Variants in PDE1A observed in about 807,000 individuals in gnomAD.
The protein encoded by PDE1A is dual specificity calcium/calmodulin-dependent 3',5'-cyclic nucleotide phosphodiesterase 1A.
PDE1A carries 35 observed loss-of-function variants against 61.7 expected under a neutral mutation model. The observed-to-expected ratio is 0.57, with a 90% CI of 0.43 to 0.75. PDE1A has a LOEUF of 0.75. PDE1A is among the 30% of genes least tolerant of loss of function. The probability of loss-of-function intolerance (pLI) is 0.00; values close to 1 mark genes in which losing one functional copy is unlikely to be tolerated. For missense variants in PDE1A, 597 were observed against 630.6 expected (o/e 0.95, Z 0.57); for synonymous variants, 232 against 213.2 (o/e 1.09, Z -0.77).
intron 2 of PDE1A, among the ~76,000 whole-genome samples, chr2:182,513,928 C>T (rs1190934489): frequency 6.6e-6 from 1 of 152,174 alleles, no homozygotes; most frequent in Non-Finnish European, 1.5e-5. Flanking sequence ...AACACTGGAG[C>T]ATCCAGATTC....
chr2:182,449,189 C>T (rs1685347787), intron 2 of PDE1A, among the ~76,000 whole-genome samples: 2 of 151,628 alleles, frequency 1.3e-5, no homozygotes, highest in African/African-American at 4.8e-5. Context: ...GCTTATCTAA[C>T]TGTGGAAGTA....
chr2:182,522,317 T>C lies in PDE1A; in HGVS notation c.60A>G (p.Thr20=), dbSNP rs757161211. Reference sequence around the variant, plus strand: ...GCCACATTTTTTCAGTCTGTTCTCCTGTAAGATACTTAAAAGTGGTGTTTT... The same window carrying C: ...GCCACATTTTTTCAGTCTGTTCTCCCGTAAGATACTTAAAAGTGGTGTTTT... Residue 20 remains threonine, a synonymous_variant, in exon 2 of 15, where the codon ACA becomes ACG. Coordinates refer to the PDE1A transcript ENST00000410103. 9.9e-6 allele frequency: 16 copies of C among 1,613,598 alleles called. No homozygotes were observed. In the South Asian group the frequency reaches 1.5e-4, roughly 16 times the overall value.
At chr2:182,598,504 G>A in the PDE1A span, among the ~76,000 whole-genome samples, 12 of 151,792 alleles carry the variant, frequency 7.9e-5, no homozygotes, top group African/African-American at 1.7e-4. Flanking sequence ...TCTGGGAGGC[G>A]GAGGTTGCAG....
chr2:182,217,579 A>G (rs1439484841), intron 7 of PDE1A, among the ~76,000 whole-genome samples: 1 of 147,288 alleles, frequency 6.8e-6, no homozygotes, highest in African/African-American at 2.5e-5. Flanking sequence ...CAAGAAAAAA[A>G]CAAACAACCC....
chr2:182,685,504 G>C, the PDE1A span, among the ~76,000 whole-genome samples: 14 of 152,292 alleles, frequency 9.2e-5, 1 homozygote, highest in South Asian at 2.9e-3. Flanking sequence ...ATGGCATTTT[G>C]ATAGATGAGT....
At chr2:182,712,899 G>A in the PDE1A span, among the ~76,000 whole-genome samples, 21 of 152,010 alleles carry the variant, frequency 1.4e-4, no homozygotes, top group Admixed American at 3.3e-4. Context: ...ATGACATTCC[G>A]TTGTTTAAAC....
rs374437597 is a variant in PDE1A at position 182,287,013 on chromosome 2, A to ACC, written c.54-22601_54-22600dup. ...GTCTTTCAGTAGGGCATTGACTAAAACCCAAACTCCTTACCTTGACTTCAT... is the reference window on the plus strand; with the variant it reads ...GTCTTTCAGTAGGGCATTGACTAAAACCCCCAAACTCCTTACCTTGACTTCAT... On this transcript the variant is annotated intron_variant, in intron 1 of 13. Transcript: ENST00000351439. 5.6e-3 allele frequency among the ~76,000 whole-genome samples: 846 copies of ACC among 152,116 alleles called. 6 individuals are homozygous for ACC. Among genetic ancestry groups the ACC allele is most frequent in the South Asian group, 0.048 (230 of 4,806 alleles).
chr2:182,642,639 A>G, the PDE1A span, among the ~76,000 whole-genome samples: 1 of 152,146 alleles, frequency 6.6e-6, no homozygotes, highest in South Asian at 2.1e-4. Context: ...GATGGCTCCC[A>G]TCTCTTAAAA....
At chr2:182,465,312 A>AT (rs1424844334) in intron 2 of PDE1A, among the ~76,000 whole-genome samples, 1 of 152,104 alleles carries the variant, frequency 6.6e-6, no homozygotes, top group East Asian at 1.9e-4. Context: ...AATTTTTACA[A>AT]TTTTCCTTTC....
intron 7 of PDE1A, among the ~76,000 whole-genome samples, chr2:182,222,753 A>AAT (rs1374081557): frequency 6.6e-6 from 1 of 151,958 alleles, no homozygotes; most frequent in Non-Finnish European, 1.5e-5. Flanking sequence ...AATCAGATCT[A>AAT]ATCTTTCCTC....
the PDE1A span, among the ~76,000 whole-genome samples, chr2:182,702,076 CA>C: frequency 2.6e-5 from 4 of 152,254 alleles, no homozygotes; most frequent in African/African-American, 9.6e-5. Flanking sequence ...CATGCATAAA[CA>C]GTAATAATTT....
chr2:182,250,882 C>T (rs1691350266), intron 2 of PDE1A, among the ~76,000 whole-genome samples: 1 of 152,088 alleles, frequency 6.6e-6, no homozygotes, highest in African/African-American at 2.4e-5. Flanking sequence ...AGGTCCTGTC[C>T]TCCAGGAGAG....
intron 1 of PDE1A, among the ~76,000 whole-genome samples, chr2:182,426,346 G>A (rs1703621110): frequency 6.6e-6 from 1 of 152,238 alleles, no homozygotes; most frequent in Non-Finnish European, 1.5e-5. Flanking sequence ...TCACTTATGT[G>A]TTTGAATAGT....
At chr2:182,565,700 AT>A in the PDE1A span, among the ~76,000 whole-genome samples, 1 of 152,200 alleles carries the variant, frequency 6.6e-6, no homozygotes, top group Non-Finnish European at 1.5e-5. Flanking sequence ...AAAGAATCTA[AT>A]GACTCACATG....
rs998793798 is a variant in PDE1A at position 182,300,871 on chromosome 2, C to T, written c.54-36457G>A. Among the ~76,000 whole-genome samples, 10 of 152,080 alleles carry T rather than the reference C, an allele frequency of 6.6e-5. 1 individual carries two copies. The highest frequency in any genetic ancestry group is 5.9e-4 in the Admixed American group (9 of 15,258). ...GACATGAATGTACGCTATGCATGGG[C>T]TCTCTCTTGCAAAGTTGTTCAAGCT... On this transcript the variant is annotated intron_variant, in intron 1 of 13. Coordinates refer to ENST00000351439, the Ensembl canonical transcript of PDE1A.
At chr2:182,441,847 A>T (rs1037044366) in intron 2 of PDE1A, among the ~76,000 whole-genome samples, 1 of 152,118 alleles carries the variant, frequency 6.6e-6, no homozygotes, top group Non-Finnish European at 1.5e-5. Flanking sequence ...AAATAATGAT[A>T]GCAATGTTTT....
At chr2:182,574,607 C>T in the PDE1A span, among the ~76,000 whole-genome samples, 2 of 152,184 alleles carry the variant, frequency 1.3e-5, no homozygotes, top group Non-Finnish European at 2.9e-5. Context: ...AAAATATTTT[C>T]TTAGTACAAG....
At chr2:182,312,539 G>A (rs1005136786) in intron 1 of PDE1A, among the ~76,000 whole-genome samples, 16 of 152,058 alleles carry the variant, frequency 1.1e-4, no homozygotes, top group Admixed American at 7.2e-4. Flanking sequence ...CAATTATTGA[G>A]AGCACCATTT....
intron 1 of PDE1A, among the ~76,000 whole-genome samples, chr2:182,409,300 T>C (rs1702477514): frequency 6.6e-6 from 1 of 152,206 alleles, no homozygotes; most frequent in Non-Finnish European, 1.5e-5. Context: ...AATAATGACT[T>C]CAATGATTAA....
Sources: allele counts gnomAD v4.1 joint callset (sites outside exome capture counted in the v4.1 genomes callset), GRCh38; gene constraint gnomAD v4.1.1; transcripts MANE v1.5; gene names NCBI Gene and HGNC (gene_info 2026-07-23, HGNC 2026-07-21).